The following FER variants were observed in gnomAD, a reference collection of about 807,000 sequenced individuals.
FER encodes the protein FER tyrosine kinase.
In FER, 63 loss-of-function variants were observed where a neutral mutation model predicts 111.0. The observed-to-expected ratio is 0.57, with a 90% CI of 0.46 to 0.70. FER has a LOEUF of 0.70. Ranked by LOEUF, FER falls within the 30% of genes least tolerant of loss-of-function variation. The pLI, the probability that FER is intolerant of heterozygous loss-of-function variation, is 0.00. For synonymous variants in FER, 327 were observed against 313.9 expected (o/e 1.04, Z -0.44); for missense variants, 914 against 954.0 (o/e 0.96, Z 0.55).
At chr5:109,158,773 T>C (rs549662773) in intron 17 of FER, among the ~76,000 whole-genome samples, 16 of 152,272 alleles carry the variant, frequency 1.1e-4, no homozygotes, top group Middle Eastern at 3.4e-3. Flanking sequence ...CACTTTCTTA[T>C]CTCCACCTCT....
chr5:108,859,759 T>G (rs1312366973), intron 5 of FER, among the ~76,000 whole-genome samples: 1 of 152,060 alleles, frequency 6.6e-6, no homozygotes, highest in Non-Finnish European at 1.5e-5. Flanking sequence ...GTTTGAGAAC[T>G]TGCTCTTTAA....
chr5:109,110,727 C>A (rs1486037674), intron 17 of FER, among the ~76,000 whole-genome samples: 1 of 152,000 alleles, frequency 6.6e-6, no homozygotes, highest in Non-Finnish European at 1.5e-5. Context: ...TATACATGTG[C>A]CATGTTTGTG....
chr5:108,989,999 G>A (rs1364069265), intron 13 of FER, among the ~76,000 whole-genome samples: 1 of 151,732 alleles, frequency 6.6e-6, no homozygotes, highest in African/African-American at 2.4e-5. Context: ...TGTCCCCCTA[G>A]TGCCTTGTAC....
intron 17 of FER, among the ~76,000 whole-genome samples, chr5:109,111,702 A>G (rs1749640199): frequency 6.6e-6 from 1 of 152,102 alleles, no homozygotes; most frequent in South Asian, 2.1e-4. Flanking sequence ...GCGAAGAGGG[A>G]GTAAGCACTT....
At chr5:109,152,463 A>G (rs1384813473) in intron 17 of FER, among the ~76,000 whole-genome samples, 2 of 152,016 alleles carry the variant, frequency 1.3e-5, no homozygotes, top group African/African-American at 4.8e-5. Context: ...CCATAAACCC[A>G]TTAGAATTAG....
At chr5:109,018,791 G>C (rs1438341260) in intron 13 of FER, among the ~76,000 whole-genome samples, 1 of 151,616 alleles carries the variant, frequency 6.6e-6, no homozygotes, top group Non-Finnish European at 1.5e-5. Context: ...ACCTTTAGAA[G>C]GGACTTAAGT....
intron 18 of FER, 121 bp from the exon 19 acceptor site, chr5:109,186,079 G>A (rs1693408058): frequency 7.3e-7 from 1 of 1,368,540 alleles, no homozygotes; most frequent in Non-Finnish European, 1.0e-6. Context: ...TCATATATGT[G>A]CTCCATCATT....
intron 13 of FER, among the ~76,000 whole-genome samples, chr5:108,998,572 C>T (rs1764314350): frequency 1.3e-5 from 2 of 152,168 alleles, no homozygotes; most frequent in Non-Finnish European, 2.9e-5. Flanking sequence ...CAGACTGGAG[C>T]TGTTCCTATT....
chr5:108,763,100 GCA>G (rs1171980083), intron 1 of FER, among the ~76,000 whole-genome samples: 3 of 151,968 alleles, frequency 2.0e-5, no homozygotes, highest in African/African-American at 7.3e-5. Context: ...AAAACTCATG[GCA>G]CACAGATAGC....
rs150935294 is a variant in FER, at chr5:109,044,706, C to T, written c.1740C>T (p.Gly580=). The T allele has an allele frequency of 1.5e-4, 241 of 1,580,380 alleles. No individual in the cohort carries two copies. The African/African-American group carries it at 3.1e-3, about 21-fold the overall frequency. The change falls in exon 15 of 20, where the codon GGC becomes GGT. Residue 580 remains glycine (G), a synonymous_variant. Transcript: ENST00000281092. ...GKGNFGEVYK[G]TLKDKTSVAV... is the part of the protein sequence containing the mutation. Reference sequence around the variant, plus strand: ...GAAATTTTGGTGAAGTATATAAGGGCACATTAAAGGATAAAACTTCTGTTG... The same window carrying T: ...GAAATTTTGGTGAAGTATATAAGGGTACATTAAAGGATAAAACTTCTGTTG...
In FER at chr5:108,913,435, G is replaced by A. The variant is rs955215270; in HGVS notation, c.1236+15587G>A. ...AAGTAATAAACTCATAATTCTGACA[G>A]AAAGGAAAGGATGCAGAGTGATAGT... is the stretch of plus-strand genomic sequence containing the variant. On this transcript the variant is annotated intron_variant, in intron 10 of 19. Coordinates refer to ENST00000281092, the MANE Select transcript of FER (RefSeq NM_005246.4). Among the ~76,000 whole-genome samples, 3 of 152,164 alleles carry A rather than the reference G, an allele frequency of 2.0e-5. No individual in the cohort carries two copies. The East Asian group carries it at 5.8e-4, about 29-fold the overall frequency.
intron 17 of FER, among the ~76,000 whole-genome samples, chr5:109,176,275 T>C (rs1172073748): frequency 6.6e-6 from 1 of 152,218 alleles, no homozygotes; most frequent in Non-Finnish European, 1.5e-5. Flanking sequence ...TGTGTATACA[T>C]ACATGATAGA....
chr5:108,891,816 T>A (rs867995476), intron 9 of FER, among the ~76,000 whole-genome samples: 64 of 152,078 alleles, frequency 4.2e-4, no homozygotes, highest in Admixed American at 6.6e-4. Flanking sequence ...CCCTCCCCCT[T>A]CCCCCACGCA....
chr5:108,883,615 A>G (rs1206851745), intron 9 of FER, 97 bp downstream of exon 9: 1 of 1,084,060 alleles, frequency 9.2e-7, no homozygotes, highest in Non-Finnish European at 1.2e-6. Context: ...CATTTCTAGA[A>G]ACAGAAACTT....
chr5:109,046,719 T>C (rs2149910108), intron 15 of FER, among the ~76,000 whole-genome samples: 1 of 152,250 alleles, frequency 6.6e-6, no homozygotes, highest in East Asian at 1.9e-4. Flanking sequence ...ATTTTTTTTC[T>C]TATTATTCCC....
At position 109,059,254 on chromosome 5, in the gene FER, A is replaced by G. The variant is rs534876577; in HGVS notation, c.1924+12056A>G. Among the ~76,000 whole-genome samples, 10 of 152,126 alleles carry G rather than the reference A, an allele frequency of 6.6e-5. No homozygotes were observed. In the East Asian group the frequency reaches 1.2e-3, roughly 18 times the overall value. ...TACAAAATCAAAACCTTATAAATAC[A>G]TGGTTATGAAAAGCACTGGAGAAAC... On this transcript the variant is annotated intron_variant, in intron 16 of 19. Transcript: ENST00000281092.
chr5:108,871,440 T>G lies in FER; in HGVS notation c.741T>G (p.Ile247Met). The G allele has an allele frequency of 5.0e-6, 8 of 1,611,940 alleles. No homozygotes were observed. Among genetic ancestry groups the G allele is most frequent in the Non-Finnish European group, 6.8e-6 (8 of 1,178,462 alleles). ...AAATAGTGAATGTCCATAAAGAGAT[T>G]CAAATGTCGGTTGAACAGATAGATC... The part of the protein sequence containing the change: ...TEEIVNVHKE[I>M]QMSVEQIDPS... Residue 247 changes from isoleucine to methionine, a missense_variant, in exon 7 of 20, where the codon ATT becomes ATG. By Grantham distance (10) the Ile-to-Met change is conservative. Transcript: ENST00000281092.
chr5:109,158,104 C>T lies in FER; in HGVS notation c.2049-22643C>T, dbSNP rs190250924. On this transcript the variant is annotated intron_variant, in intron 17 of 19. Coordinates refer to ENST00000281092, the MANE Select transcript of FER (RefSeq NM_005246.4). ...ATCTATTTTTTAAATAGGCTGGGCA[C>T]GGTGGCTCATGCCTGTAACCCCTCA... Among the ~76,000 whole-genome samples the T allele has an allele frequency of 4.7e-3, 715 of 151,974 alleles. 6 individuals are homozygous for T. Among genetic ancestry groups the T allele is most frequent in the Non-Finnish European group, 7.1e-3 (485 of 67,966 alleles).
At chr5:109,096,906 A>T (rs905898955) in intron 16 of FER, among the ~76,000 whole-genome samples, 3 of 150,664 alleles carry the variant, frequency 2.0e-5, no homozygotes, top group African/African-American at 7.3e-5. Flanking sequence ...TTTACAAAAT[A>T]ACAACAACAA....
Sources: gnomAD v4.1 joint callset for allele counts (sites outside exome capture counted in the v4.1 genomes callset) on GRCh38, gnomAD v4.1.1 for gene constraint, MANE v1.5 for transcripts, NCBI Gene and HGNC (gene_info 2026-07-23, HGNC 2026-07-21) for gene names.